Variants in SLC27A6 observed in about 807,000 individuals in gnomAD.
SLC27A6 encodes long-chain fatty acid transport protein 6.
In SLC27A6, 74 loss-of-function variants were observed where a neutral mutation model predicts 63.9. The observed-to-expected ratio is 1.16, with a 90% confidence interval of 0.96 to 1.40. The LOEUF (loss-of-function observed/expected upper bound fraction) is 1.40. Among genes scored for constraint, SLC27A6 ranks in the 40% most tolerant of loss-of-function variants. The pLI is 0.00. For missense variants in SLC27A6, 794 were observed against 732.9 expected (o/e 1.08, Z -0.96); for synonymous variants, 287 against 260.8 (o/e 1.10, Z -0.97).
chr5:128,996,153 C>T (rs1450804540), intron 4 of SLC27A6, among the ~76,000 whole-genome samples: 3 of 152,040 alleles, frequency 2.0e-5, no homozygotes, highest in African/African-American at 7.2e-5. Context: ...AAGCAAGGAC[C>T]TATAGTGTGA....
chr5:128,965,938 G>A lies in SLC27A6; in HGVS notation c.-200G>A. The A allele has an allele frequency of 1.9e-6, 1 of 532,164 alleles. No homozygotes were observed. The highest frequency in any genetic ancestry group is 3.0e-6 in the Non-Finnish European group (1 of 329,674). The allele number at this position is 532,164 out of a possible 1,614,324, so 33.0% of individuals were successfully genotyped here. A position where few individuals can be genotyped will look rare whatever the true frequency, so the allele number is the denominator to read the frequency against. On this transcript the variant is annotated 5_prime_UTR_variant, in exon 1 of 10. Transcript: ENST00000262462. The stretch of plus-strand genomic sequence containing the variant: ...AAGCTTAATCTTCAGCACCACTTGG[G>A]GCGACCTTTTCGGTGCAAACCTACG...
At chr5:129,023,483 G>T in intron 5 of SLC27A6, 137 bp from the exon 6 acceptor site, 2 of 517,916 alleles carry the variant, frequency 3.9e-6, no homozygotes, top group South Asian at 3.4e-5. Flanking sequence ...AGTAAAAGTT[G>T]TTTTAATAAC....
chr5:128,965,884 C>G lies in SLC27A6; in HGVS notation c.-254C>G, dbSNP rs1316578718. Reference sequence around the variant, plus strand: ...GTTGGTTTCTCGCAGGAGTCGGAGGCTCCCTGCTTTCCAGCCGCCCAGTGA... The same window carrying G: ...GTTGGTTTCTCGCAGGAGTCGGAGGGTCCCTGCTTTCCAGCCGCCCAGTGA... On this transcript the variant is annotated 5_prime_UTR_variant, in exon 1 of 10. Transcript: ENST00000262462. 8.0e-6 allele frequency: 3 copies of G among 374,844 alleles called. No individual in the cohort carries two copies. Among genetic ancestry groups the G allele is most frequent in the African/African-American group, 4.1e-5 (2 of 48,588 alleles). 23.2% of individuals were successfully genotyped at this position (374,844 alleles called of 1,614,324 possible). A position where few individuals can be genotyped will look rare whatever the true frequency, so the allele number is the denominator to read the frequency against.
chr5:129,007,747 C>G (rs1751593228), intron 4 of SLC27A6, among the ~76,000 whole-genome samples: 1 of 152,006 alleles, frequency 6.6e-6, no homozygotes, highest in Non-Finnish European at 1.5e-5. Context: ...AAAATATTTA[C>G]AACTATTGGC....
At chr5:129,005,761 T>C (rs1417092815) in intron 4 of SLC27A6, among the ~76,000 whole-genome samples, 1 of 149,372 alleles carries the variant, frequency 6.7e-6, no homozygotes, top group Non-Finnish European at 1.5e-5. Flanking sequence ...TACAGGCGCC[T>C]GCCACCATGC....
intron 5 of SLC27A6, among the ~76,000 whole-genome samples, chr5:129,023,012 T>C (rs1165749359): frequency 6.6e-6 from 1 of 152,082 alleles, no homozygotes; most frequent in African/African-American, 2.4e-5. Flanking sequence ...AGTTTTCTAA[T>C]AAATTTATCA....
chr5:128,982,238 A>G (rs1289051482), intron 1 of SLC27A6, among the ~76,000 whole-genome samples: 2 of 152,096 alleles, frequency 1.3e-5, no homozygotes, highest in South Asian at 2.1e-4. Context: ...ATTTCCTACC[A>G]CTATTGAAGA....
Position 129,033,127 on chromosome 5 carries a change from ACATT to A in SLC27A6, c.1708_1711del (p.Phe570AsnfsTer3). ...ACAGGAAAAAATGGAAGCAACAGGA[ACATT>A]CAAACTATTGAAGCATCAGTTGGTG... On this transcript the variant is annotated frameshift_variant, in exon 10 of 10. Coordinates refer to ENST00000262462, the MANE Select transcript of SLC27A6 (RefSeq NM_001017372.3). LOFTEE classifies it high-confidence loss of function. 6.2e-7 allele frequency: 1 copy of A among 1,607,432 alleles called. No individual in the cohort carries two copies. Among genetic ancestry groups the A allele is most frequent in the East Asian group, 2.2e-5 (1 of 44,530 alleles).
chr5:129,015,880 A>G lies in SLC27A6; in HGVS notation c.970-5A>G. ...AATTACAAGTAAAACATTTTCTTCT[A>G]ACAGAGAGAAGGAGAAAAGGATCAT... On this transcript the variant is annotated splice_region_variant and splice_polypyrimidine_tract_variant and intron_variant, in intron 4 of 9. Transcript: ENST00000262462. 2.6e-6 allele frequency: 4 copies of G among 1,567,106 alleles called. No individual in the cohort carries two copies. Among genetic ancestry groups the G allele is most frequent in the Non-Finnish European group, 3.4e-6 (4 of 1,162,700 alleles).
chr5:128,968,820 A>T (rs1042952015), intron 1 of SLC27A6, among the ~76,000 whole-genome samples: 2 of 152,104 alleles, frequency 1.3e-5, no homozygotes, highest in African/African-American at 4.8e-5. Context: ...TTGGTGTTTT[A>T]GACATGAAGT....
chr5:128,982,405 T>A (rs950971767), intron 1 of SLC27A6, among the ~76,000 whole-genome samples: 1 of 152,198 alleles, frequency 6.6e-6, no homozygotes, highest in Non-Finnish European at 1.5e-5. Flanking sequence ...TCACTCTTGG[T>A]AAATACTCAG....
At chr5:128,967,454 A>G (rs9686953) in intron 1 of SLC27A6, among the ~76,000 whole-genome samples, 38,191 of 152,164 alleles carry the variant, frequency 0.25, 5,369 homozygotes, top group Non-Finnish European at 0.31. Flanking sequence ...CGGAAAGAGG[A>G]AGATCCATTG....
chr5:128,978,841 T>C (rs1335086210), intron 1 of SLC27A6, among the ~76,000 whole-genome samples: 1 of 152,150 alleles, frequency 6.6e-6, no homozygotes, highest in Non-Finnish European at 1.5e-5. Flanking sequence ...TCCCATAAGA[T>C]TGTAATACTC....
At position 129,001,173 on chromosome 5, in the gene SLC27A6, C is replaced by G. The variant is rs1448104226; in HGVS notation, c.969+10709C>G. The stretch of plus-strand genomic sequence containing the variant: ...CAGCTGGAACCTGTGCTGTCTTGAC[C>G]TTGTAGGCCACTCATTTTAAATACT... On this transcript the variant is annotated intron_variant, in intron 4 of 9. Coordinates refer to ENST00000262462, the MANE Select transcript of SLC27A6 (RefSeq NM_001017372.3). Among the ~76,000 whole-genome samples, 36 of 152,132 alleles carry G rather than the reference C, an allele frequency of 2.4e-4. 1 individual carries two copies. Among genetic ancestry groups the G allele is most frequent in the Admixed American group, 2.4e-3 (36 of 15,260 alleles).
At chr5:129,027,017 G>A in intron 6 of SLC27A6, 116 bp from the exon 7 acceptor site, 1 of 798,840 alleles carries the variant, frequency 1.3e-6, no homozygotes, top group Admixed American at 2.2e-5. Flanking sequence ...TAGGTTCAGA[G>A]GAAGCTGAGA....
intron 4 of SLC27A6, among the ~76,000 whole-genome samples, chr5:129,006,375 C>T (rs1466004700): frequency 3.3e-5 from 5 of 151,926 alleles, no homozygotes; most frequent in Admixed American, 3.3e-4. Context: ...CAGGCATGAG[C>T]CACCGCGCCC....
At chr5:128,968,642 C>T (rs1193817485) in intron 1 of SLC27A6, among the ~76,000 whole-genome samples, 1 of 151,968 alleles carries the variant, frequency 6.6e-6, no homozygotes, top group African/African-American at 2.4e-5. Flanking sequence ...TCTTTAAGTT[C>T]TTTGTAGATT....
At chr5:129,001,681 T>C (rs1369568069) in intron 4 of SLC27A6, among the ~76,000 whole-genome samples, 2 of 152,242 alleles carry the variant, frequency 1.3e-5, no homozygotes, top group African/African-American at 4.8e-5. Flanking sequence ...TCTCTCCACC[T>C]ATCAACAAAC....
chr5:129,026,414 A>G (rs1254516227), intron 6 of SLC27A6, among the ~76,000 whole-genome samples: 1 of 152,182 alleles, frequency 6.6e-6, no homozygotes. Context: ...ACTGAAACTA[A>G]TAAGTATCAT....
Sources: gnomAD v4.1 joint callset for allele counts (sites outside exome capture counted in the v4.1 genomes callset) on GRCh38, gnomAD v4.1.1 for gene constraint, MANE v1.5 for transcripts, NCBI Gene and HGNC (gene_info 2026-07-23, HGNC 2026-07-21) for gene names.